Variants in EXOSC10 observed in about 807,000 individuals in gnomAD.
The protein encoded by EXOSC10 is exosome component 10, also known as exosome complex component 10.
A neutral mutation model predicts 126.6 loss-of-function variants in EXOSC10; 94 were observed. The observed-to-expected ratio is 0.74, with a 90% CI of 0.63 to 0.88. The LOEUF (loss-of-function observed/expected upper bound fraction) is 0.88, where lower values mean the gene tolerates loss of function less well. Among genes scored for constraint, EXOSC10 ranks in the 40% least tolerant of loss-of-function variants. EXOSC10 has a pLI of 0.00. For missense variants in EXOSC10, 1,041 were observed against 1,100.5 expected, an observed-to-expected ratio of 0.95 and a Z score of 0.77; for synonymous variants, 395 against 400.8, an observed-to-expected ratio of 0.99 and a Z score of 0.17.
At chr1:11,080,354 A>T in intron 13 of EXOSC10, 145 bp downstream of exon 13, 1 of 991,712 alleles carries the variant, frequency 1.0e-6, no homozygotes, top group Non-Finnish European at 1.5e-6. Flanking sequence ...GAAATTCTAT[A>T]TTCCTTCAAC....
rs556904532 is a variant in EXOSC10 at position 11,098,000 on chromosome 1, A to G, written c.248+20T>C. ...TTCATTTCTTTTCACTAACACAAGAAAACAAAGTACAGTACTTACCACTGA... is the reference window on the plus strand; with the variant it reads ...TTCATTTCTTTTCACTAACACAAGAGAACAAAGTACAGTACTTACCACTGA... On this transcript the variant is annotated intron_variant, in intron 2 of 24. Coordinates refer to ENST00000376936, the MANE Select transcript of EXOSC10 (RefSeq NM_001001998.3). The G allele has an allele frequency of 1.3e-4, 199 of 1,508,952 alleles. 2 individuals carry two copies. In the South Asian group the frequency reaches 2.5e-3, roughly 19 times the overall value. The allele number at this position is 1,508,952 out of a possible 1,614,324, so 93.5% of individuals were successfully genotyped here. A position where few individuals can be genotyped will look rare whatever the true frequency, so the allele number is the denominator to read the frequency against.
intron 9 of EXOSC10, among the ~76,000 whole-genome samples, chr1:11,086,678 C>T (rs1640512819): frequency 2.0e-5 from 3 of 152,096 alleles, no homozygotes; most frequent in African/African-American, 7.2e-5. Flanking sequence ...CTCAAAACCG[C>T]TCAACTACAT....
At chr1:11,098,324 A>T (rs1322692695) in intron 1 of EXOSC10, among the ~76,000 whole-genome samples, 168 bp from the exon 2 acceptor site, 1 of 152,220 alleles carries the variant, frequency 6.6e-6, no homozygotes, top group Non-Finnish European at 1.5e-5. Flanking sequence ...TACAATACTG[A>T]ACAGGAAACC....
Position 11,071,991 on chromosome 1 carries a change from CTTCA to C in EXOSC10, c.2242+92_2242+95del, listed in dbSNP as rs1198175800. On this transcript the variant is annotated intron_variant, in intron 20 of 24. Coordinates refer to ENST00000376936, the MANE Select transcript of EXOSC10 (RefSeq NM_001001998.3). ...CAGCAGAAGGGAAGCCCCACAGGGG[CTTCA>C]TTCATCGCCGTATCTGGCACTTGGC... 5 of 978,846 alleles carry C rather than the reference CTTCA, an allele frequency of 5.1e-6. No individual in the cohort carries two copies. In the African/African-American group the frequency reaches 6.4e-5, roughly 13 times the overall value. 60.6% of individuals were successfully genotyped at this position (978,846 alleles called of 1,614,324 possible).
At position 11,095,762 on chromosome 1, in the gene EXOSC10, C is replaced by T. The variant is rs756142912; in HGVS notation, c.368G>A (p.Arg123Lys). ...LVDANDVILE[R>K]VGILLDEASG... ...AGAGTAAGGGAAAATACTCACCACTCTCTCCAGAATTACATCATTGGCATC... is the reference window on the plus strand; with the variant it reads ...AGAGTAAGGGAAAATACTCACCACTTTCTCCAGAATTACATCATTGGCATC... Residue 123 changes from arginine (R) to lysine (K), a missense_variant, in exon 3 of 25, where the codon AGA becomes AAA. Transcript: ENST00000376936. 8 of 1,613,774 alleles carry T rather than the reference C, an allele frequency of 5.0e-6. No individual in the cohort carries two copies. The highest frequency in any genetic ancestry group is 6.8e-6 in the Non-Finnish European group (8 of 1,179,834).
intron 9 of EXOSC10, among the ~76,000 whole-genome samples, chr1:11,084,472 G>A (rs1570828920): frequency 1.3e-5 from 2 of 151,964 alleles, no homozygotes; most frequent in Non-Finnish European, 2.9e-5. Flanking sequence ...TTTTGATGGG[G>A]TTATTTTTTT....
chr1:11,078,075 C>G (rs1349007598), intron 14 of EXOSC10, among the ~76,000 whole-genome samples: 1 of 151,854 alleles, frequency 6.6e-6, no homozygotes, highest in Non-Finnish European at 1.5e-5. Flanking sequence ...GGGTTCAAGA[C>G]CAGTCTGGGA....
At chr1:11,072,002 G>T in intron 20 of EXOSC10, 85 bp downstream of exon 20, 2 of 1,103,522 alleles carry the variant, frequency 1.8e-6, no homozygotes, top group Non-Finnish European at 2.7e-6. Flanking sequence ...TTCATTCATC[G>T]CCGTATCTGG....
At chr1:11,069,227 C>CTGTGTGTGTGTGTGTGTGTGTGTG (rs146028725) in intron 22 of EXOSC10, among the ~76,000 whole-genome samples, 39 of 135,396 alleles carry the variant, frequency 2.9e-4, no homozygotes, top group African/African-American at 9.8e-4. Flanking sequence ...AAACAAAATT[C>CTGTGTGTGTGTGTGTGTGTGTGTG]TGTGTGTGTG....
At chr1:11,078,891 T>C (rs1639977048) in intron 14 of EXOSC10, among the ~76,000 whole-genome samples, 1 of 152,124 alleles carries the variant, frequency 6.6e-6, no homozygotes, top group Non-Finnish European at 1.5e-5. Flanking sequence ...GTCTTAGCTC[T>C]CAACTATCAT....
In EXOSC10 at chr1:11,081,189, G is replaced by A. The variant is rs773902552; in HGVS notation, c.1330C>T (p.Leu444=). Residue 444 remains leucine, a synonymous_variant, in exon 11 of 25, where the codon CTG becomes TTG. Transcript: ENST00000376936. ...CTCATTTTGTCATAGATATATAGCA[G>A]GTAATGGGTGTCATCCCGGGCGTAG... is the stretch of plus-strand genomic sequence containing the variant. ...LSYARDDTHY[L]LYIYDKMRLE... 1 of 1,614,156 alleles carries A rather than the reference G, an allele frequency of 6.2e-7. No individual in the cohort carries two copies. The highest frequency in any genetic ancestry group is 2.2e-5 in the East Asian group (1 of 44,890).
At chr1:11,076,084 G>C (rs560977589) in intron 17 of EXOSC10, among the ~76,000 whole-genome samples, 38 of 152,178 alleles carry the variant, frequency 2.5e-4, no homozygotes, top group African/African-American at 8.9e-4. Context: ...AGAATCGCTT[G>C]AACCTGGGAG....
At chr1:11,098,424 T>A (rs1641235496) in intron 1 of EXOSC10, among the ~76,000 whole-genome samples, 1 of 152,204 alleles carries the variant, frequency 6.6e-6, no homozygotes, top group East Asian at 1.9e-4. Context: ...TGGGGTTGAA[T>A]CTTGACTCTG....
rs539857100 is a variant in EXOSC10, at chr1:11,098,275, A to T, written c.112-119T>A. The T allele has an allele frequency of 3.3e-5, 41 of 1,242,464 alleles. No individual in the cohort carries two copies. In the Middle Eastern group the frequency reaches 7.0e-4, roughly 21 times the overall value. 77.0% of individuals were successfully genotyped at this position (1,242,464 alleles called of 1,614,324 possible). On this transcript the variant is annotated intron_variant, in intron 1 of 24. Transcript: ENST00000376936. ...TCTTCATCCATCAAAAAAAGCACTC[A>T]TTTAGTGCCAAACCCCAATCTAATC... is the stretch of plus-strand genomic sequence containing the variant.
At position 11,070,892 on chromosome 1, in the gene EXOSC10, G is replaced by A; in HGVS notation, c.2316+8C>T. The A allele has an allele frequency of 3.1e-6, 5 of 1,612,668 alleles. No homozygotes were observed. Among genetic ancestry groups the A allele is most frequent in the Non-Finnish European group, 4.2e-6 (5 of 1,179,072 alleles). ...TTCAAAGGAAAAAGGAGAAAAGCTG[G>A]CACATACCACGACCTGCTGTCGGAC... On this transcript the variant is annotated splice_region_variant and intron_variant, in intron 21 of 24. Coordinates refer to ENST00000376936, the MANE Select transcript of EXOSC10 (RefSeq NM_001001998.3).
At chr1:11,084,766 T>C (rs1289753940) in intron 9 of EXOSC10, among the ~76,000 whole-genome samples, 2 of 152,150 alleles carry the variant, frequency 1.3e-5, no homozygotes, top group Non-Finnish European at 2.9e-5. Context: ...AGGTCTAACG[T>C]TGTTAAGTCT....
In EXOSC10 at chr1:11,082,797, G is replaced by T; in HGVS notation, c.1171C>A (p.Gln391Lys). 6.2e-7 allele frequency: 1 copy of T among 1,614,216 alleles called. No homozygotes were observed. The highest frequency in any genetic ancestry group is 1.1e-5 in the South Asian group (1 of 91,078). The change falls in exon 10 of 25, where the codon CAG (glutamine) becomes AAG (lysine). Residue 391 changes from glutamine to lysine, a missense_variant. Gln to Lys is a moderately conservative substitution (Grantham distance 53). Transcript: ENST00000376936. ...CCCAGGTTAAGAAGGCGTGCTGCCT[G>T]ATGAGTATCAAACATGTTTACTACA... ...LYVVNMFDTH[Q>K]AARLLNLGRH...
chr1:11,091,503 C>T lies in EXOSC10; in HGVS notation c.467G>A (p.Trp156Ter). Residue 156 changes from tryptophan (W) to a stop codon, truncating the protein, a stop_gained, in exon 4 of 25, where the codon TGG becomes TAG. Coordinates refer to ENST00000376936, the MANE Select transcript of EXOSC10 (RefSeq NM_001001998.3). LOFTEE classifies it high-confidence loss of function. ...LQVPKTVVSS[W>*]NRKAAEYGKK... ...CTGAAAAGCCCTCACCTTACGGTTC[C>T]AGCTGGACACTACCGTTTTGGGGAC... is the stretch of plus-strand genomic sequence containing the variant. The T allele has an allele frequency of 1.2e-6, 2 of 1,613,990 alleles. No homozygotes were observed. Among genetic ancestry groups the T allele is most frequent in the Non-Finnish European group, 1.7e-6 (2 of 1,179,946 alleles).
intron 6 of EXOSC10, among the ~76,000 whole-genome samples, chr1:11,088,802 C>T (rs1341665477): frequency 1.3e-5 from 2 of 152,210 alleles, no homozygotes; most frequent in African/African-American, 4.8e-5. Flanking sequence ...AAGGCCAATA[C>T]TAACCAAATT....
Sources: gnomAD v4.1 joint callset for allele counts (sites outside exome capture counted in the v4.1 genomes callset) on GRCh38, gnomAD v4.1.1 for gene constraint, MANE v1.5 for transcripts, NCBI Gene and HGNC (gene_info 2026-07-23, HGNC 2026-07-21) for gene names.